CDH18: variants seen among roughly 807,000 people sequenced by gnomAD.
The protein encoded by CDH18 is cadherin 18.
In CDH18, 31 loss-of-function variants were observed where a neutral mutation model predicts 67.9. The observed-to-expected ratio is 0.46, with a 90% CI of 0.34 to 0.62. The LOEUF (loss-of-function observed/expected upper bound fraction) is 0.62. Among genes scored for constraint, CDH18 ranks in the 20% least tolerant of loss-of-function variants. CDH18 has a pLI of 0.01. For synonymous variants in CDH18, 362 were observed against 347.2 expected, an observed-to-expected ratio of 1.04 and a Z score of -0.48; for missense variants, 890 against 975.5, an observed-to-expected ratio of 0.91 and a Z score of 1.17.
chr5:19,852,677 C>T (rs767045420), intron 2 of CDH18, among the ~76,000 whole-genome samples: 1 of 151,982 alleles, frequency 6.6e-6, no homozygotes, highest in Non-Finnish European at 1.5e-5. Context: ...AGGGAGGCTG[C>T]AAATATTCCC....
intron 9 of CDH18, among the ~76,000 whole-genome samples, chr5:19,531,585 C>A (rs957260193): frequency 8.7e-5 from 13 of 150,212 alleles, no homozygotes; most frequent in African/African-American, 3.2e-4. Flanking sequence ...GCTATTTACC[C>A]AAGACAAGTT....
At chr5:19,840,132 G>T (rs1475411411) in intron 2 of CDH18, among the ~76,000 whole-genome samples, 2 of 151,336 alleles carry the variant, frequency 1.3e-5, no homozygotes, top group South Asian at 4.2e-4. Context: ...GCCGGGCTTG[G>T]TGGCGGTCAC....
chr5:19,634,404 A>C (rs1390397162), intron 5 of CDH18, among the ~76,000 whole-genome samples: 1 of 152,168 alleles, frequency 6.6e-6, no homozygotes, highest in African/African-American at 2.4e-5. Flanking sequence ...TATGGAAATT[A>C]CTTCCCTACG....
At chr5:19,595,322 A>G (rs1375397933) in intron 6 of CDH18, among the ~76,000 whole-genome samples, 1 of 152,234 alleles carries the variant, frequency 6.6e-6, no homozygotes, top group Non-Finnish European at 1.5e-5. Context: ...ACTAGAAAAC[A>G]TGGATGAAAA....
intron 5 of CDH18, among the ~76,000 whole-genome samples, chr5:19,645,251 C>T (rs1369199742): frequency 1.3e-5 from 2 of 152,076 alleles, no homozygotes; most frequent in South Asian, 2.1e-4. Flanking sequence ...TAGGAAAAGA[C>T]ATTTAATAAA....
chr5:20,512,025 A>T (rs775861295), intron 1 of CDH18, among the ~76,000 whole-genome samples: 1 of 152,130 alleles, frequency 6.6e-6, no homozygotes, highest in Non-Finnish European at 1.5e-5. Flanking sequence ...GTTCAAGACC[A>T]GTCTGGCCAA....
intron 3 of CDH18, among the ~76,000 whole-genome samples, chr5:19,776,404 A>C (rs1442400384): frequency 6.6e-6 from 1 of 152,194 alleles, no homozygotes; most frequent in Non-Finnish European, 1.5e-5. Flanking sequence ...AGCATTGATA[A>C]CGGTCTGTTT....
intron 1 of CDH18, among the ~76,000 whole-genome samples, chr5:20,466,220 G>A (rs62355172): frequency 0.047 from 7,194 of 151,916 alleles, 337 homozygotes; most frequent in African/African-American, 0.12. Flanking sequence ...GAGTTTCCTC[G>A]CCATTTTCAT....
intron 3 of CDH18, among the ~76,000 whole-genome samples, chr5:19,809,698 TAA>T (rs1436661147): frequency 6.6e-6 from 1 of 152,204 alleles, no homozygotes; most frequent in Non-Finnish European, 1.5e-5. Flanking sequence ...TTGTTTACAT[TAA>T]GTGTATACAT....
intron 5 of CDH18, among the ~76,000 whole-genome samples, chr5:19,642,960 C>T (rs1754234187): frequency 6.6e-6 from 1 of 151,902 alleles, no homozygotes; most frequent in African/African-American, 2.4e-5. Flanking sequence ...ACAGAACTCA[C>T]ACCTAAATAG....
chr5:20,193,507 CAA>C (rs1235185184), intron 2 of CDH18, among the ~76,000 whole-genome samples: 1 of 152,078 alleles, frequency 6.6e-6, no homozygotes, highest in African/African-American at 2.4e-5. Context: ...ACCAGAAATA[CAA>C]AGAGTAGCTG....
chr5:19,705,971 G>T (rs932696413), intron 5 of CDH18, among the ~76,000 whole-genome samples: 1 of 152,092 alleles, frequency 6.6e-6, no homozygotes, highest in Non-Finnish European at 1.5e-5. Flanking sequence ...TTCACAGATG[G>T]GTCTAGTAAT....
intron 1 of CDH18, among the ~76,000 whole-genome samples, chr5:20,266,621 G>T (rs6879967): frequency 1.0e-4 from 13 of 129,088 alleles, no homozygotes; most frequent in Non-Finnish European, 1.7e-4. Flanking sequence ...TAGAGACGGG[G>T]TTTCACCATG....
At chr5:20,546,141 C>T (rs1039900241) in intron 1 of CDH18, among the ~76,000 whole-genome samples, 1 of 152,134 alleles carries the variant, frequency 6.6e-6, no homozygotes, top group Non-Finnish European at 1.5e-5. Flanking sequence ...CCAATAAGGT[C>T]CTAATCTCCA....
rs910974883 is a variant in CDH18, at chr5:20,108,460, T to C, written c.-517-116446A>G. 2.1e-4 allele frequency among the ~76,000 whole-genome samples: 32 copies of C among 152,144 alleles called. 1 individual carries two copies. The highest frequency in any genetic ancestry group is 7.2e-4 in the African/African-American group (30 of 41,448). On this transcript the variant is annotated intron_variant, in intron 2 of 14. Transcript: ENST00000507958. ...GAGGAACTAGGGGTTAGGACTCCGA[T>C]GTGTGAATTTCAGGTAGACGCAATT...
intron 2 of CDH18, among the ~76,000 whole-genome samples, chr5:20,248,736 A>G (rs920479553): frequency 6.6e-6 from 1 of 152,216 alleles, no homozygotes; most frequent in Non-Finnish European, 1.5e-5. Context: ...GTACTTAAAA[A>G]TACAAGCATA....
intron 5 of CDH18, among the ~76,000 whole-genome samples, chr5:19,639,804 C>G (rs137867578): frequency 9.8e-5 from 15 of 152,348 alleles, no homozygotes; most frequent in African/African-American, 3.6e-4. Flanking sequence ...TTCCATAATG[C>G]TGCATATCAG....
chr5:19,810,966 C>T (rs541340467), intron 3 of CDH18, among the ~76,000 whole-genome samples: 94 of 150,498 alleles, frequency 6.2e-4, no homozygotes, highest in Non-Finnish European at 1.0e-3. Flanking sequence ...AAAGTTGCAG[C>T]GAGCTGAGAT....
chr5:19,887,527 T>C (rs979669996), intron 2 of CDH18, among the ~76,000 whole-genome samples: 4 of 152,034 alleles, frequency 2.6e-5, no homozygotes, highest in Non-Finnish European at 5.9e-5. Context: ...AAAAGTTGTA[T>C]TGTTTTAATA....
Sources: allele counts gnomAD v4.1 joint callset (sites outside exome capture counted in the v4.1 genomes callset), GRCh38; gene constraint gnomAD v4.1.1; transcripts MANE v1.5; gene names NCBI Gene and HGNC (gene_info 2026-07-23, HGNC 2026-07-21).